MGAT5: variants seen among roughly 807,000 people sequenced by gnomAD.
MGAT5 encodes alpha-1,6-mannosylglycoprotein 6-beta-N-acetylglucosaminyltransferase A.
MGAT5 carries 30 observed loss-of-function variants against 94.3 expected under a neutral mutation model. The ratio of observed to expected loss-of-function variants is 0.32; its 90% CI spans 0.24 to 0.43. MGAT5 has a LOEUF of 0.43. MGAT5 is among the 20% of genes least tolerant of loss of function. The probability of loss-of-function intolerance (pLI) is 1.00; values close to 1 mark genes in which losing one functional copy is unlikely to be tolerated. For missense variants in MGAT5, 691 were observed against 905.5 expected, an observed-to-expected ratio of 0.76 and a Z score of 3.04; for synonymous variants, 310 against 322.9, an observed-to-expected ratio of 0.96 and a Z score of 0.43.
intron 1 of MGAT5, among the ~76,000 whole-genome samples, chr2:134,245,607 C>T (rs1277355874): frequency 1.3e-5 from 2 of 152,170 alleles, no homozygotes; most frequent in Admixed American, 1.3e-4. Context: ...CTGTCCCTTC[C>T]TCCTCTGCTT....
chr2:134,394,001 C>T (rs960048338), intron 10 of MGAT5, among the ~76,000 whole-genome samples: 2 of 152,118 alleles, frequency 1.3e-5, no homozygotes, highest in African/African-American at 2.4e-5. Flanking sequence ...AAGGTAAGGC[C>T]CTTGGGATGA....
intron 9 of MGAT5, among the ~76,000 whole-genome samples, chr2:134,353,217 AAAAG>A (rs1384172750): frequency 6.8e-6 from 1 of 148,018 alleles, no homozygotes; most frequent in Non-Finnish European, 1.5e-5. Flanking sequence ...ATTCAAATAA[AAAAG>A]AAAAGCATTC....
chr2:134,164,667 TA>T (rs1687883913), intron 1 of MGAT5, among the ~76,000 whole-genome samples: 1 of 152,092 alleles, frequency 6.6e-6, no homozygotes, highest in Non-Finnish European at 1.5e-5. Flanking sequence ...TATTCTATAT[TA>T]ATAAGTATGC....
chr2:134,322,645 T>C (rs368761975), intron 4 of MGAT5, among the ~76,000 whole-genome samples: 5 of 152,314 alleles, frequency 3.3e-5, no homozygotes, highest in African/African-American at 1.2e-4. Context: ...TCCTTTTTAG[T>C]ATTTTTAAAA....
chr2:134,293,214 C>T (rs796789554), intron 2 of MGAT5, among the ~76,000 whole-genome samples: 25 of 152,108 alleles, frequency 1.6e-4, no homozygotes, highest in African/African-American at 5.3e-4. Context: ...ATAGAAAATA[C>T]GAAAATTGAA....
rs185994647 is a variant in MGAT5, at chr2:134,274,366, G to A, written c.406+3816G>A. ...GCCTAGAAGTCGGACTTGGTATTTC[G>A]TTTCCCTAGTTCTCAGACCTTAGCA... On this transcript the variant is annotated intron_variant, in intron 2 of 15. Transcript: ENST00000281923. Among the ~76,000 whole-genome samples the A allele has an allele frequency of 2.2e-4, 33 of 152,240 alleles. No homozygotes were observed. In the East Asian group the frequency reaches 6.0e-3, roughly 28 times the overall value.
chr2:134,185,601 G>A (rs959205760), intron 1 of MGAT5, among the ~76,000 whole-genome samples: 1 of 152,116 alleles, frequency 6.6e-6, no homozygotes, highest in Admixed American at 6.5e-5. Flanking sequence ...TGATATAAGT[G>A]CTTAACTGAT....
intron 1 of MGAT5, among the ~76,000 whole-genome samples, chr2:134,218,118 G>A (rs1385264747): frequency 1.3e-5 from 2 of 152,182 alleles, no homozygotes; most frequent in Non-Finnish European, 2.9e-5. Flanking sequence ...GTATAGATGA[G>A]GGTGATGATG....
At chr2:134,148,433 T>A (rs1687023072) in intron 1 of MGAT5, among the ~76,000 whole-genome samples, 1 of 152,244 alleles carries the variant, frequency 6.6e-6, no homozygotes, top group Admixed American at 6.5e-5. Flanking sequence ...TTGAGAACCA[T>A]TGGTCTAAGT....
chr2:134,231,186 T>C lies in MGAT5; in HGVS notation c.-142-23076T>C, dbSNP rs546044399. ...TTCTTTTGGGTATGATAAAATGTTA[T>C]ATGAAATTCTCTACAGCCACACTAC... On this transcript the variant is annotated intron_variant, in intron 1 of 16. Coordinates refer to the MGAT5 transcript ENST00000409645. 4 of 152,256 alleles carry C rather than the reference T, an allele frequency of 2.6e-5. No individual in the cohort carries two copies. The South Asian group carries it at 6.2e-4, about 24-fold the overall frequency. 9.4% of individuals were successfully genotyped at this position (152,256 alleles called of 1,614,324 possible).
rs538175266 is a variant in MGAT5 at position 134,164,050 on chromosome 2, A to T, written c.-143+43759A>T. Among the ~76,000 whole-genome samples the T allele has an allele frequency of 4.7e-4, 72 of 152,064 alleles. 1 individual carries two copies. The highest frequency in any genetic ancestry group is 1.7e-3 in the African/African-American group (69 of 41,458). ...CTGCAGGTGGTAACAGTTGAAACTC[A>T]TATCAATGATCTTGCCTATTTACCA... On this transcript the variant is annotated intron_variant, in intron 1 of 16. Coordinates refer to the MGAT5 transcript ENST00000409645.
At chr2:134,166,690 C>G (rs937599154) in intron 1 of MGAT5, among the ~76,000 whole-genome samples, 2 of 152,126 alleles carry the variant, frequency 1.3e-5, no homozygotes, top group Non-Finnish European at 2.9e-5. Context: ...TAATACACAC[C>G]TCAACAAATT....
At chr2:134,381,536 C>CAGATAGATAGAT (rs57978433) in intron 10 of MGAT5, among the ~76,000 whole-genome samples, 4,897 of 146,848 alleles carry the variant, frequency 0.033, 145 homozygotes, top group East Asian at 0.1. Flanking sequence ...GACAGACAGA[C>CAGATAGATAGAT]AGATAGATAG....
chr2:134,176,691 CATA>C (rs1688484234), intron 1 of MGAT5, among the ~76,000 whole-genome samples: 1 of 151,082 alleles, frequency 6.6e-6, no homozygotes, highest in Non-Finnish European at 1.5e-5. Context: ...GATTCAAAGA[CATA>C]ATATTACCTT....
intron 1 of MGAT5, among the ~76,000 whole-genome samples, chr2:134,230,313 T>C (rs1681297617): frequency 6.6e-6 from 1 of 152,216 alleles, no homozygotes; most frequent in South Asian, 2.1e-4. Context: ...TGCTGGCTGC[T>C]TGCCTCCTGC....
intron 1 of MGAT5, among the ~76,000 whole-genome samples, chr2:134,189,602 G>GTTTTTTTTTTGTTTTTTTTTT (rs1689241661): frequency 2.4e-5 from 2 of 84,672 alleles, no homozygotes; most frequent in Admixed American, 1.3e-4. Flanking sequence ...GTTTTTTTTT[G>GTTTTTTTTTTGTTTTTTTTTT]TTTTTTTTTT....
intron 14 of MGAT5, among the ~76,000 whole-genome samples, chr2:134,431,657 C>T (rs970914780): frequency 6.6e-6 from 1 of 152,214 alleles, no homozygotes; most frequent in African/African-American, 2.4e-5. Flanking sequence ...GGTAGGAGCA[C>T]TGCAGCCCTA....
At position 134,233,096 on chromosome 2, in the gene MGAT5, G is replaced by A. The variant is rs143543838; in HGVS notation, c.-142-21166G>A. On this transcript the variant is annotated intron_variant, in intron 1 of 16. Transcript: ENST00000409645. ...TTAGCTTAAAATGATGTCATCGTGA[G>A]TTGTTTTCCAGGTATGTGTAAATCT... Among the ~76,000 whole-genome samples the A allele has an allele frequency of 1.8e-4, 27 of 152,314 alleles. No individual in the cohort carries two copies. The East Asian group carries it at 5.2e-3, about 29-fold the overall frequency.
intron 4 of MGAT5, among the ~76,000 whole-genome samples, chr2:134,319,019 G>A (rs1422117256): frequency 2.6e-5 from 4 of 152,146 alleles, no homozygotes; most frequent in African/African-American, 9.7e-5. Flanking sequence ...ATTTTCAAAT[G>A]TGTATAGTTC....
Sources: allele counts gnomAD v4.1 joint callset (sites outside exome capture counted in the v4.1 genomes callset), GRCh38; gene constraint gnomAD v4.1.1; transcripts MANE v1.5; gene names NCBI Gene and HGNC (gene_info 2026-07-23, HGNC 2026-07-21).